The following ACBD5 variants were observed in gnomAD, a reference collection of about 807,000 sequenced individuals.
ACBD5 encodes the protein acyl-CoA-binding domain-containing protein 5.
ACBD5 carries 40 observed loss-of-function variants against 71.8 expected under a neutral mutation model. That is an observed-to-expected ratio of 0.56 (90% CI 0.43 to 0.72). The LOEUF is 0.72. Ranked by LOEUF, ACBD5 falls within the 30% of genes least tolerant of loss-of-function variation. The probability of loss-of-function intolerance (pLI) is 0.00; values close to 1 mark genes in which losing one functional copy is unlikely to be tolerated. For missense variants in ACBD5, 559 were observed against 644.5 expected (o/e 0.87, Z 1.44); for synonymous variants, 229 against 218.6 (o/e 1.05, Z -0.42).
chr10:27,207,647 T>A (rs974151543), intron 10 of ACBD5, among the ~76,000 whole-genome samples: 2 of 152,252 alleles, frequency 1.3e-5, no homozygotes, highest in African/African-American at 4.8e-5. Flanking sequence ...CCCGGGATTA[T>A]CATAGGCCAC....
At chr10:27,227,590 C>T (rs1009545250) in intron 4 of ACBD5, among the ~76,000 whole-genome samples, 1 of 152,176 alleles carries the variant, frequency 6.6e-6, no homozygotes, top group Admixed American at 6.5e-5. Context: ...AAGATGTTTA[C>T]TATGAGTGAA....
chr10:27,231,890 G>GCATCAACTATAAA, intron 3 of ACBD5, 70 bp from the exon 4 acceptor site: 1 of 1,407,900 alleles, frequency 7.1e-7, no homozygotes, highest in Non-Finnish European at 1.0e-6. Flanking sequence ...ACAATTTATA[G>GCATCAACTATAAA]TTGATGCTAT....
Position 27,218,039 on chromosome 10 carries a change from A to C in ACBD5, c.770T>G (p.Val257Gly). Residue 257 changes from valine to glycine, a missense_variant, in exon 7 of 13, where the codon GTA becomes GGA. Val to Gly is a moderately radical substitution (Grantham distance 109). Coordinates refer to ENST00000396271, the MANE Select transcript of ACBD5 (RefSeq NM_145698.5). ...SSLNGRSTEE[V>G]KPIDENLGQT... ...CCCCAAGTTTTCATCAATGGGCTTT[A>C]CTTCTTCAGTGCTTCTGCCATTCAG... 1.2e-6 allele frequency: 2 copies of C among 1,614,140 alleles called. No homozygotes were observed. Among genetic ancestry groups the C allele is most frequent in the Non-Finnish European group, 1.7e-6 (2 of 1,180,024 alleles).
In ACBD5 at chr10:27,240,077, G is replaced by A. The variant is rs1440448384; in HGVS notation, c.181+242C>T. Among the ~76,000 whole-genome samples, 1 of 152,076 alleles carries A rather than the reference G, an allele frequency of 6.6e-6. No homozygotes were observed. The highest frequency in any genetic ancestry group is 1.5e-5 in the Non-Finnish European group (1 of 68,028). The stretch of plus-strand genomic sequence containing the variant: ...TTTATTTTTTAACACACCCAAATCC[G>A]CAGTCATTAAGTGACAAGACTTTTG... On this transcript the variant is annotated intron_variant, in intron 2 of 12. Coordinates refer to ENST00000396271, the MANE Select transcript of ACBD5 (RefSeq NM_145698.5). This position sits in a 1 kb window ranked among gnomAD's most constrained non-coding sequence, Gnocchi z 4.1.
intron 7 of ACBD5, among the ~76,000 whole-genome samples, chr10:27,216,519 A>G (rs964607633): frequency 6.6e-6 from 1 of 151,564 alleles, no homozygotes; most frequent in Non-Finnish European, 1.5e-5. Context: ...CAGGTGATCC[A>G]CCCGCCTCGG....
In ACBD5 at chr10:27,195,997, G is replaced by A. The variant is rs2059350538; in HGVS notation, c.*1433C>T. On this transcript the variant is annotated 3_prime_UTR_variant, in exon 13 of 13. Transcript: ENST00000396271. The stretch of plus-strand genomic sequence containing the variant: ...GCAGGCAGATCACCTGAGGTTGGGA[G>A]TTTGAGATCAGCCTTACCAACATGG... The A allele has an allele frequency of 2.4e-6, 1 of 422,492 alleles. No homozygotes were observed. Among genetic ancestry groups the A allele is most frequent in the Non-Finnish European group, 4.6e-6 (1 of 215,440 alleles). 26.2% of individuals were successfully genotyped at this position (422,492 alleles called of 1,614,324 possible). A position where few individuals can be genotyped will look rare whatever the true frequency, so the allele number is the denominator to read the frequency against.
At chr10:27,235,350 A>C in intron 2 of ACBD5, 138 bp from the exon 3 acceptor site, 2 of 1,147,598 alleles carry the variant, frequency 1.7e-6, no homozygotes. Context: ...AGCTTATAGA[A>C]ACAAAAGTTA....
At chr10:27,229,497 C>T (rs77543579) in intron 4 of ACBD5, among the ~76,000 whole-genome samples, 7,943 of 151,940 alleles carry the variant, frequency 0.052, 554 homozygotes, top group African/African-American at 0.16. Flanking sequence ...GAGGCTGAGG[C>T]ACGCACCACT....
chr10:27,207,948 T>A (rs6482603), intron 10 of ACBD5, among the ~76,000 whole-genome samples: 9 of 151,946 alleles, frequency 5.9e-5, no homozygotes, highest in Middle Eastern at 3.2e-3. Context: ...GTGGCCAGTC[T>A]GGTCTCAAAC....
upstream of ACBD5, among the ~76,000 whole-genome samples, chr10:27,241,838 C>A (rs1021352796): frequency 1.3e-5 from 2 of 152,150 alleles, no homozygotes; most frequent in South Asian, 2.1e-4. Context: ...AGCGCAACCC[C>A]CTGCGTCCTT....
At chr10:27,186,597 C>T (rs1489430219) in intron 13 of ACBD5, 44 of 1,330,084 alleles carry the variant, frequency 3.3e-5, no homozygotes, top group Non-Finnish European at 4.8e-5. Flanking sequence ...TAATTATATA[C>T]TCCTTAATAC....
rs535976571 is a variant in ACBD5 at position 27,213,318 on chromosome 10, G to A, written c.936+2217C>T. On this transcript the variant is annotated intron_variant, in intron 8 of 12. Coordinates refer to ENST00000396271, the MANE Select transcript of ACBD5 (RefSeq NM_145698.5). ...CAAAACTACAATGAGATATTACCTC[G>A]CCCCAGTTAAAATGGCTTTTATCCC... is the stretch of plus-strand genomic sequence containing the variant. Among the ~76,000 whole-genome samples, 10 of 152,246 alleles carry A rather than the reference G, an allele frequency of 6.6e-5. No homozygotes were observed. In the East Asian group the frequency reaches 9.6e-4, roughly 15 times the overall value.
In ACBD5 at chr10:27,239,737, TTTTGTTTGTTTG is replaced by T. The variant is rs35949495; in HGVS notation, c.181+570_181+581del. ...GGCATTAGGCATCCCCAGCCTAGAT[TTTTGTTTGTTTG>T]TTTGTTTGTTTGTTTGAGATGGAGT... On this transcript the variant is annotated intron_variant, in intron 2 of 12. Coordinates refer to ENST00000396271, the MANE Select transcript of ACBD5 (RefSeq NM_145698.5). Among the ~76,000 whole-genome samples the T allele has an allele frequency of 3.4e-4, 51 of 150,726 alleles. 1 individual carries two copies. In the East Asian group the frequency reaches 7.8e-3, roughly 23 times the overall value.
downstream of ACBD5, among the ~76,000 whole-genome samples, chr10:27,194,736 G>T (rs910929099): frequency 2.6e-5 from 4 of 151,876 alleles, no homozygotes; most frequent in Non-Finnish European, 5.9e-5. Context: ...AGTGGCTCAC[G>T]CCTGTCATCC....
At chr10:27,217,632 T>C (rs2061815070) in intron 7 of ACBD5, among the ~76,000 whole-genome samples, 1 of 151,988 alleles carries the variant, frequency 6.6e-6, no homozygotes, top group Non-Finnish European at 1.5e-5. Flanking sequence ...CTGGGCTACC[T>C]GGCAAAACCC....
chr10:27,228,815 A>ATTTTTTTTTTTTTT (rs1167438554), intron 4 of ACBD5, among the ~76,000 whole-genome samples: 1 of 20,368 alleles, frequency 4.9e-5, no homozygotes, highest in East Asian at 9.4e-4. Flanking sequence ...ATATATATAT[A>ATTTTTTTTTTTTTT]TTTTTTTTTT....
chr10:27,186,533 G>C (rs1469128453), intron 13 of ACBD5: 1 of 1,613,872 alleles, frequency 6.2e-7, no homozygotes, highest in East Asian at 2.2e-5. Context: ...GATTTAGTCT[G>C]TAGCACAAAA....
intron 2 of ACBD5, among the ~76,000 whole-genome samples, chr10:27,238,155 C>CA (rs1384362889): frequency 6.6e-6 from 1 of 151,944 alleles, no homozygotes; most frequent in Non-Finnish European, 1.5e-5. Flanking sequence ...CCGTATTAGC[C>CA]AGGATGGTCT....
chr10:27,228,790 T>TA (rs1491345096), intron 4 of ACBD5, among the ~76,000 whole-genome samples: 577 of 23,244 alleles, frequency 0.025, 16 homozygotes, highest in Admixed American at 0.065. Context: ...TCCTATTATG[T>TA]TTATATATAT....
Sources: allele counts gnomAD v4.1 joint callset (sites outside exome capture counted in the v4.1 genomes callset), GRCh38; gene constraint gnomAD v4.1.1; non-coding constraint Gnocchi (gnomAD v3.1); transcripts MANE v1.5; gene names NCBI Gene and HGNC (gene_info 2026-07-23, HGNC 2026-07-21).